Variants in NFASC observed in about 807,000 individuals in gnomAD.
NFASC encodes neurofascin, also known as neurofascin homolog.
NFASC carries 43 observed loss-of-function variants against 147.5 expected under a neutral mutation model. That is an observed-to-expected ratio of 0.29 (90% confidence interval 0.23 to 0.38). NFASC has a LOEUF of 0.38. Among genes scored for constraint, NFASC ranks in the 10% least tolerant of loss-of-function variants. The pLI is 1.00. For synonymous variants in NFASC, 622 were observed against 665.5 expected (o/e 0.93, Z 1.01); for missense variants, 1,320 against 1,689.0 (o/e 0.78, Z 3.83).
At chr1:204,974,438 C>T (rs1399823520) in intron 13 of NFASC, 148 bp downstream of exon 13, 2 of 798,878 alleles carry the variant, frequency 2.5e-6, no homozygotes, top group African/African-American at 3.4e-5. Flanking sequence ...CTGGATCAAC[C>T]TCCTCATTGT....
At chr1:204,956,994 TA>T (rs1428202456) in intron 7 of NFASC, among the ~76,000 whole-genome samples, 1 of 152,220 alleles carries the variant, frequency 6.6e-6, no homozygotes, top group Non-Finnish European at 1.5e-5. Flanking sequence ...TTAACATCTC[TA>T]AAATTGAAAT....
rs539800056 is a variant in NFASC at position 205,002,768 on chromosome 1, G to A, written c.3289+20G>A. ...GTACAGGTGAGAGGGGACCTGGCCT[G>A]GCCATCCCCTGCAAGCATGGGGCAT... is the stretch of plus-strand genomic sequence containing the variant. On this transcript the variant is annotated intron_variant, in intron 27 of 29. Coordinates refer to ENST00000339876, the MANE Select transcript of NFASC (RefSeq NM_001005388.3). 15 of 1,423,074 alleles carry A rather than the reference G, an allele frequency of 1.1e-5. 1 individual carries two copies. In the South Asian group the frequency reaches 2.4e-4, roughly 23 times the overall value. The allele number at this position is 1,423,074 out of a possible 1,614,324, so 88.2% of individuals were successfully genotyped here.
intron 3 of NFASC, among the ~76,000 whole-genome samples, chr1:204,949,809 G>T (rs1170846530): frequency 6.6e-6 from 1 of 152,188 alleles, no homozygotes; most frequent in East Asian, 1.9e-4. Flanking sequence ...ACCTGCACAG[G>T]AGCACACCTA....
intron 1 of NFASC, among the ~76,000 whole-genome samples, chr1:204,889,785 G>A (rs1173834652): frequency 6.6e-6 from 1 of 152,194 alleles, no homozygotes; most frequent in Non-Finnish European, 1.5e-5. Context: ...GTGGTAATTG[G>A]TGAGATTTAT....
intron 1 of NFASC, among the ~76,000 whole-genome samples, chr1:204,859,487 T>C (rs1383608723): frequency 6.6e-6 from 1 of 152,208 alleles, no homozygotes; most frequent in African/African-American, 2.4e-5. Context: ...GTAAGCTCCA[T>C]GGCAGGGATT....
chr1:205,001,963 C>T (rs959469731), intron 26 of NFASC, among the ~76,000 whole-genome samples: 2 of 152,202 alleles, frequency 1.3e-5, no homozygotes, highest in African/African-American at 4.8e-5. Context: ...CCCAAAGACC[C>T]TCTCAGGAGA....
chr1:204,831,063 T>C (rs1672096619), intron 1 of NFASC, among the ~76,000 whole-genome samples: 2 of 152,172 alleles, frequency 1.3e-5, no homozygotes, highest in South Asian at 4.2e-4. Context: ...CTGCCAGCTT[T>C]TCCTGGTACA....
At position 204,986,746 on chromosome 1, in the gene NFASC, A is replaced by G. The variant is rs1054991521; in HGVS notation, c.2471-672A>G. 2.6e-5 allele frequency: 4 copies of G among 154,420 alleles called. No individual in the cohort carries two copies. The highest frequency in any genetic ancestry group is 9.7e-5 in the African/African-American group (4 of 41,312). 9.6% of individuals were successfully genotyped at this position (154,420 alleles called of 1,614,324 possible). The stretch of plus-strand genomic sequence containing the variant: ...CTTTTATCTGCTTTGCATCTGTTTC[A>G]TCCTCCTCCGTTTCTCCTCCCTCCC... On this transcript the variant is annotated intron_variant, in intron 21 of 29. Transcript: ENST00000339876. This position sits in a 1 kb window ranked among gnomAD's most constrained non-coding sequence, Gnocchi z 4.2.
chr1:205,012,686 G>A (rs970902094), intron 28 of NFASC, 111 bp from the exon 29 acceptor site: 25 of 813,782 alleles, frequency 3.1e-5, no homozygotes, highest in Non-Finnish European at 4.8e-5. Context: ...AAAAAAGAGT[G>A]TCAGTGAGCC....
intron 1 of NFASC, among the ~76,000 whole-genome samples, chr1:204,841,113 T>A (rs890506637): frequency 1.3e-5 from 2 of 152,242 alleles, no homozygotes; most frequent in African/African-American, 4.8e-5. Flanking sequence ...ATCTACAGAA[T>A]AACAAGAAGG....
intron 1 of NFASC, among the ~76,000 whole-genome samples, chr1:204,879,605 G>T (rs2079728188): frequency 6.6e-6 from 1 of 152,196 alleles, no homozygotes; most frequent in Non-Finnish European, 1.5e-5. Flanking sequence ...CATAGGATCT[G>T]GGGGCAGCCA....
At chr1:204,974,940 G>C in intron 14 of NFASC, 117 bp downstream of exon 14, 1 of 1,112,038 alleles carries the variant, frequency 9.0e-7, no homozygotes, top group Non-Finnish European at 1.3e-6. Flanking sequence ...AACCTGGAGT[G>C]GGCTGCCCAG....
chr1:204,951,739 G>A (rs2094140566), intron 4 of NFASC, among the ~76,000 whole-genome samples: 1 of 152,118 alleles, frequency 6.6e-6, no homozygotes, highest in African/African-American at 2.4e-5. Flanking sequence ...AAAGTGCTAG[G>A]ATTACAAGCG....
At chr1:204,935,679 C>T (rs180996621) in intron 2 of NFASC, among the ~76,000 whole-genome samples, 17 of 152,162 alleles carry the variant, frequency 1.1e-4, no homozygotes, top group Non-Finnish European at 1.0e-4. Flanking sequence ...AGGAGTGATC[C>T]GAAATGGGAT....
At chr1:204,879,068 G>T (rs2079599236) in intron 1 of NFASC, among the ~76,000 whole-genome samples, 1 of 152,216 alleles carries the variant, frequency 6.6e-6, no homozygotes, top group Non-Finnish European at 1.5e-5. Context: ...ACTGAGCCAA[G>T]CTAATCTGAG....
intron 27 of NFASC, among the ~76,000 whole-genome samples, chr1:205,007,763 G>A (rs72755535): frequency 0.06 from 9,103 of 152,254 alleles, 419 homozygotes; most frequent in South Asian, 0.13. Context: ...ATGAGGACAG[G>A]GTGGTGGGAG....
chr1:204,849,754 G>A (rs1263339472), intron 1 of NFASC, among the ~76,000 whole-genome samples: 2 of 152,176 alleles, frequency 1.3e-5, no homozygotes, highest in East Asian at 1.9e-4. Flanking sequence ...GTAAGGGACT[G>A]CCTTCCCAAG....
At chr1:204,850,463 T>C (rs2075571644) in intron 1 of NFASC, among the ~76,000 whole-genome samples, 1 of 152,228 alleles carries the variant, frequency 6.6e-6, no homozygotes, top group East Asian at 1.9e-4. Flanking sequence ...TTGATACAGC[T>C]TGGCTCTGTG....
At chr1:204,988,516 T>C in intron 22 of NFASC, 117 bp from the exon 23 acceptor site, 1 of 875,498 alleles carries the variant, frequency 1.1e-6, no homozygotes, top group East Asian at 2.6e-5. Context: ...ACCAGGCAGG[T>C]GCCATCATTT....
Sources: allele counts gnomAD v4.1 joint callset (sites outside exome capture counted in the v4.1 genomes callset), GRCh38; gene constraint gnomAD v4.1.1; non-coding constraint Gnocchi (gnomAD v3.1); transcripts MANE v1.5; gene names NCBI Gene and HGNC (gene_info 2026-07-23, HGNC 2026-07-21).